Variants in SEMA5A observed in about 807,000 individuals in gnomAD.
The protein encoded by SEMA5A is semaphorin 5A, also known as semaphorin-5A.
A neutral mutation model predicts 135.5 loss-of-function variants in SEMA5A; 55 were observed. The ratio of observed to expected loss-of-function variants is 0.41; its 90% CI spans 0.33 to 0.51. The LOEUF (loss-of-function observed/expected upper bound fraction) is 0.51. Among genes scored for constraint, SEMA5A ranks in the 20% least tolerant of loss-of-function variants. The pLI, the probability that SEMA5A is intolerant of heterozygous loss-of-function variation, is 0.37. For synonymous variants in SEMA5A, 580 were observed against 546.5 expected (o/e 1.06, Z -0.85); for missense variants, 1,290 against 1,419.9 (o/e 0.91, Z 1.47).
intron 16 of SEMA5A, among the ~76,000 whole-genome samples, chr5:9,098,446 G>A (rs1329714150): frequency 1.3e-5 from 2 of 152,040 alleles, no homozygotes; most frequent in Non-Finnish European, 2.9e-5. Context: ...TGTTCTTTAT[G>A]GATAATCAAT....
intron 8 of SEMA5A, among the ~76,000 whole-genome samples, chr5:9,215,389 A>G (rs1463116901): frequency 1.3e-5 from 2 of 152,094 alleles, no homozygotes; most frequent in African/African-American, 2.4e-5. Context: ...CCAACCCCCA[A>G]TTTTCATGAA....
chr5:9,480,375 C>A (rs1411803817), intron 1 of SEMA5A, among the ~76,000 whole-genome samples: 2 of 152,088 alleles, frequency 1.3e-5, no homozygotes, highest in Non-Finnish European at 2.9e-5. Context: ...GAGCAATTTA[C>A]AACTGACTGG....
chr5:9,058,430 G>A (rs1737008338), intron 18 of SEMA5A, among the ~76,000 whole-genome samples: 1 of 152,126 alleles, frequency 6.6e-6, no homozygotes, highest in Admixed American at 6.5e-5. Context: ...CATCACCCAA[G>A]TTAGCTCAAG....
intron 2 of SEMA5A, among the ~76,000 whole-genome samples, chr5:9,384,135 AT>A (rs2126497006): frequency 6.6e-6 from 1 of 152,314 alleles, no homozygotes; most frequent in South Asian, 2.1e-4. Context: ...AGGAAAGGGC[AT>A]TCATAGTCTT....
chr5:9,436,112 C>G (rs1445626823), intron 2 of SEMA5A, among the ~76,000 whole-genome samples: 1 of 152,210 alleles, frequency 6.6e-6, no homozygotes, highest in East Asian at 1.9e-4. Flanking sequence ...ATTTCCTCAT[C>G]TTTAAAACAG....
Position 9,224,870 on chromosome 5 carries a change from CTCAG to C in SEMA5A, c.446_449del (p.Thr149ArgfsTer49), listed in dbSNP as rs1747205151. 3.1e-6 allele frequency: 5 copies of C among 1,612,974 alleles called. No individual in the cohort carries two copies. Among genetic ancestry groups the C allele is most frequent in the African/African-American group, 1.3e-5 (1 of 74,872 alleles). The stretch of plus-strand genomic sequence containing the variant: ...CCATGCCACTGATCTGATCATGGAT[CTCAG>C]TCAGGTTGCTCAACTGTGGGGGAGG... On this transcript the variant is annotated frameshift_variant, in exon 8 of 23. Transcript: ENST00000382496. LOFTEE classifies it high-confidence loss of function.
At chr5:9,134,164 G>C (rs559264091) in intron 13 of SEMA5A, among the ~76,000 whole-genome samples, 1 of 152,104 alleles carries the variant, frequency 6.6e-6, no homozygotes, top group Non-Finnish European at 1.5e-5. Context: ...ACCGGTCTAG[G>C]TATTTCTTCA....
intron 16 of SEMA5A, among the ~76,000 whole-genome samples, chr5:9,096,754 AT>A (rs992642181): frequency 7.2e-5 from 11 of 152,200 alleles, no homozygotes; most frequent in African/African-American, 1.4e-4. Flanking sequence ...GATAAAAAAA[AT>A]ATATATGACC....
intron 5 of SEMA5A, among the ~76,000 whole-genome samples, chr5:9,287,043 T>A (rs147920297): frequency 1.3e-5 from 2 of 152,266 alleles, no homozygotes; most frequent in Admixed American, 6.5e-5. Flanking sequence ...TAACATACAC[T>A]CCTGGGGTGG....
At chr5:9,119,784 G>C (rs1409134035) in intron 14 of SEMA5A, among the ~76,000 whole-genome samples, 1 of 152,102 alleles carries the variant, frequency 6.6e-6, no homozygotes, top group African/African-American at 2.4e-5. Flanking sequence ...TTTAAATTCA[G>C]ATTATTGGCT....
chr5:9,143,612 T>C (rs1464650703), intron 12 of SEMA5A, among the ~76,000 whole-genome samples: 1 of 152,200 alleles, frequency 6.6e-6, no homozygotes, highest in Non-Finnish European at 1.5e-5. Context: ...CATTTTACAG[T>C]AAAGCATTTC....
At chr5:9,059,942 T>C (rs1737093050) in intron 18 of SEMA5A, among the ~76,000 whole-genome samples, 1 of 152,138 alleles carries the variant, frequency 6.6e-6, no homozygotes. Context: ...CCCAACAGGG[T>C]TAAAGAAGAG....
intron 1 of SEMA5A, among the ~76,000 whole-genome samples, chr5:9,493,379 C>T (rs1253622039): frequency 2.0e-5 from 3 of 151,528 alleles, no homozygotes; most frequent in Admixed American, 6.6e-5. Flanking sequence ...CAATCCTACA[C>T]TTATACATTT....
At chr5:9,374,921 T>C (rs968392469) in intron 3 of SEMA5A, among the ~76,000 whole-genome samples, 2 of 152,010 alleles carry the variant, frequency 1.3e-5, no homozygotes, top group Non-Finnish European at 2.9e-5. Flanking sequence ...TGTGCCCTCC[T>C]ACAGCACCGG....
intron 1 of SEMA5A, among the ~76,000 whole-genome samples, chr5:9,534,357 C>T (rs981546146): frequency 4.6e-5 from 7 of 152,236 alleles, no homozygotes; most frequent in Non-Finnish European, 1.0e-4. Context: ...CTGCAGAGAA[C>T]ATACACTTTT....
At chr5:9,244,433 T>C (rs1748375774) in intron 5 of SEMA5A, among the ~76,000 whole-genome samples, 1 of 152,190 alleles carries the variant, frequency 6.6e-6, no homozygotes, top group African/African-American at 2.4e-5. Context: ...CTGGCCCCAC[T>C]ACCTGGAATA....
chr5:9,525,308 A>T (rs933858206), intron 1 of SEMA5A, among the ~76,000 whole-genome samples: 26 of 152,354 alleles, frequency 1.7e-4, no homozygotes, highest in South Asian at 8.3e-4. Context: ...AACTTTGCTG[A>T]TCCCTGATTT....
Position 9,182,153 on chromosome 5 carries a change from C to A in SEMA5A, c.1273+8114G>T, listed in dbSNP as rs913948588. Among the ~76,000 whole-genome samples, 32 of 129,046 alleles carry A rather than the reference C, an allele frequency of 2.5e-4. 1 individual carries two copies. The highest frequency in any genetic ancestry group is 9.5e-4 in the African/African-American group (30 of 31,686). 84.7% of individuals were successfully genotyped at this position (129,046 alleles called of 152,430 possible). A position where few individuals can be genotyped will look rare whatever the true frequency, so the allele number is the denominator to read the frequency against. On this transcript the variant is annotated intron_variant, in intron 11 of 22. Coordinates refer to ENST00000382496, the MANE Select transcript of SEMA5A (RefSeq NM_003966.3). ...ACTGCTTGTTTTATTGCTTCTGCCC[C>A]CCACCCCAAAAAAAAATACGCTTCC...
intron 17 of SEMA5A, among the ~76,000 whole-genome samples, chr5:9,065,322 C>A (rs1434812151): frequency 6.6e-6 from 1 of 152,192 alleles, no homozygotes; most frequent in African/African-American, 2.4e-5. Flanking sequence ...ACGAGAGCAG[C>A]TGGTGGCCGT....
Sources: gnomAD v4.1 joint callset for allele counts (sites outside exome capture counted in the v4.1 genomes callset) on GRCh38, gnomAD v4.1.1 for gene constraint, MANE v1.5 for transcripts, NCBI Gene and HGNC (gene_info 2026-07-23, HGNC 2026-07-21) for gene names.